Variants in FGF14 observed in about 807,000 individuals in gnomAD.
FGF14 encodes fibroblast growth factor 14.
FGF14 carries 5 observed loss-of-function variants against 25.5 expected under a neutral mutation model. That is an observed-to-expected ratio of 0.20 (90% CI 0.10 to 0.41). FGF14 has a LOEUF of 0.41. Among genes scored for constraint, FGF14 ranks in the 10% least tolerant of loss-of-function variants. The probability of loss-of-function intolerance (pLI) is 1.00; values close to 1 mark genes in which losing one functional copy is unlikely to be tolerated. For synonymous variants in FGF14, 138 were observed against 118.3 expected, an observed-to-expected ratio of 1.17 and a Z score of -1.08; for missense variants, 222 against 320.1, an observed-to-expected ratio of 0.69 and a Z score of 2.34.
chr13:102,121,151 G>A (rs924961394), intron 1 of FGF14, among the ~76,000 whole-genome samples: 1 of 152,052 alleles, frequency 6.6e-6, no homozygotes, highest in Admixed American at 6.6e-5. Context: ...ACCTGCTGTG[G>A]GGGTTGCATG....
intron 1 of FGF14, among the ~76,000 whole-genome samples, chr13:102,042,589 G>T (rs571882586): frequency 6.6e-6 from 1 of 152,270 alleles, no homozygotes; most frequent in South Asian, 2.1e-4. Flanking sequence ...TAGAATGAAT[G>T]AATAAACAAG....
intron 3 of FGF14, among the ~76,000 whole-genome samples, chr13:101,818,597 T>C (rs1285337956): frequency 6.6e-6 from 1 of 152,198 alleles, no homozygotes; most frequent in Non-Finnish European, 1.5e-5. Flanking sequence ...ACTATATGCT[T>C]TAGCATTTGG....
At chr13:102,233,129 T>TTTGTTG (rs994425033) in intron 1 of FGF14, among the ~76,000 whole-genome samples, 1 of 151,960 alleles carries the variant, frequency 6.6e-6, no homozygotes. Context: ...ATATGCCATT[T>TTTGTTG]TTGTTGTTGT....
intron 1 of FGF14, among the ~76,000 whole-genome samples, chr13:102,032,633 C>T (rs1407865734): frequency 6.6e-6 from 1 of 152,114 alleles, no homozygotes; most frequent in Non-Finnish European, 1.5e-5. Context: ...AGTAGGGCTG[C>T]ACTATGTGGG....
At chr13:101,732,947 T>C (rs1026285940) in intron 3 of FGF14, among the ~76,000 whole-genome samples, 4 of 152,214 alleles carry the variant, frequency 2.6e-5, no homozygotes, top group Admixed American at 6.5e-5. Context: ...AGCAGAGATT[T>C]ATCCCAATCT....
chr13:102,185,616 A>T (rs1026755860), intron 1 of FGF14, among the ~76,000 whole-genome samples: 1 of 152,216 alleles, frequency 6.6e-6, no homozygotes, highest in African/African-American at 2.4e-5. Flanking sequence ...ATATGAGTTA[A>T]TATTACACCT....
chr13:101,808,891 G>GTAATTTAGTGCATAATA (rs1200665978), intron 3 of FGF14, among the ~76,000 whole-genome samples: 2 of 152,116 alleles, frequency 1.3e-5, no homozygotes, highest in Admixed American at 1.3e-4. Flanking sequence ...AGTGCATAAT[G>GTAATTTAGTGCATAATA]TAATTTACAA....
Position 101,785,480 on chromosome 13 carries a change from G to A in FGF14, c.409-58670C>T, listed in dbSNP as rs1307766034. Reference sequence around the variant, plus strand: ...TAAAGTAAAACAATATTATCTAAGAGCTGGGCAACTTGATGTATGTAGGGT... The same window carrying A: ...TAAAGTAAAACAATATTATCTAAGAACTGGGCAACTTGATGTATGTAGGGT... On this transcript the variant is annotated intron_variant, in intron 3 of 4. Coordinates refer to ENST00000376143, the MANE Select transcript of FGF14 (RefSeq NM_004115.4). 2.0e-5 allele frequency among the ~76,000 whole-genome samples: 3 copies of A among 151,836 alleles called. No individual in the cohort carries two copies. In the East Asian group the frequency reaches 5.8e-4, roughly 29 times the overall value.
At chr13:101,851,563 C>T (rs2043851313) in intron 3 of FGF14, among the ~76,000 whole-genome samples, 2 of 152,044 alleles carry the variant, frequency 1.3e-5, no homozygotes, top group African/African-American at 4.8e-5. Flanking sequence ...AAGTAATATT[C>T]TACTGCAATG....
At chr13:102,094,186 T>C (rs906698680) in intron 1 of FGF14, among the ~76,000 whole-genome samples, 1 of 151,702 alleles carries the variant, frequency 6.6e-6, no homozygotes, top group Non-Finnish European at 1.5e-5. Context: ...AAATGCAGCT[T>C]TTATGTAGAT....
intron 1 of FGF14, among the ~76,000 whole-genome samples, chr13:102,022,797 A>G (rs760718773): frequency 2.6e-5 from 4 of 152,118 alleles, no homozygotes; most frequent in Non-Finnish European, 5.9e-5. Context: ...CTGTATTAAT[A>G]AACATTGTAT....
intron 2 of FGF14, among the ~76,000 whole-genome samples, chr13:101,873,373 T>C (rs937160499): frequency 9.2e-5 from 14 of 152,130 alleles, no homozygotes; most frequent in Non-Finnish European, 1.8e-4. Context: ...TAAAGCAATA[T>C]ATTTATGAAG....
chr13:102,060,530 A>C (rs1244052923), intron 1 of FGF14, among the ~76,000 whole-genome samples: 1 of 152,258 alleles, frequency 6.6e-6, no homozygotes, highest in African/African-American at 2.4e-5. Context: ...TGTCTCAAAA[A>C]AAGAAGAAAT....
At chr13:101,960,126 C>G (rs2139451199) in intron 1 of FGF14, among the ~76,000 whole-genome samples, 1 of 152,250 alleles carries the variant, frequency 6.6e-6, no homozygotes, top group Non-Finnish European at 1.5e-5. Flanking sequence ...ATTTTCAATT[C>G]AGCAATTACT....
At chr13:102,071,065 G>T (rs2043135221) in intron 1 of FGF14, among the ~76,000 whole-genome samples, 1 of 152,256 alleles carries the variant, frequency 6.6e-6, no homozygotes, top group Middle Eastern at 3.4e-3. Context: ...ATAAGTCATA[G>T]TTTACACCAG....
chr13:102,374,585 GTAAATTT>G (rs2057979674), intron 1 of FGF14, among the ~76,000 whole-genome samples: 1 of 135,270 alleles, frequency 7.4e-6, no homozygotes, highest in South Asian at 2.4e-4. Flanking sequence ...AAATGTAAAA[GTAAATTT>G]TAAAGTTTCA....
At chr13:102,274,050 A>G (rs913021958) in intron 1 of FGF14, among the ~76,000 whole-genome samples, 1 of 152,122 alleles carries the variant, frequency 6.6e-6, no homozygotes, top group Admixed American at 6.6e-5. Context: ...AACTGACAGC[A>G]ATAGTAGTCA....
rs553112371 is a variant in FGF14, at chr13:102,056,631, G to C, written c.209-181335C>G. On this transcript the variant is annotated intron_variant, in intron 1 of 4. Coordinates refer to the FGF14 transcript ENST00000376131. ...TGCAATAGTTGCACATGACAACTAA[G>C]AAACATTTCGTAATATTAAAAGCTG... Among the ~76,000 whole-genome samples, 34 of 152,030 alleles carry C rather than the reference G, an allele frequency of 2.2e-4. 1 individual carries two copies. Among genetic ancestry groups the C allele is most frequent in the Admixed American group, 1.8e-3 (28 of 15,250 alleles).
intron 3 of FGF14, among the ~76,000 whole-genome samples, chr13:101,731,091 A>C (rs1299914402): frequency 6.6e-6 from 1 of 152,168 alleles, no homozygotes; most frequent in African/African-American, 2.4e-5. Context: ...GTGAGCCTTC[A>C]GTATGAGACC....
Sources: gnomAD v4.1 joint callset for allele counts (sites outside exome capture counted in the v4.1 genomes callset) on GRCh38, gnomAD v4.1.1 for gene constraint, MANE v1.5 for transcripts, NCBI Gene and HGNC (gene_info 2026-07-23, HGNC 2026-07-21) for gene names.